Variants in PRKN observed in about 807,000 individuals in gnomAD.
PRKN encodes the protein parkin RBR E3 ubiquitin protein ligase.
In PRKN, 56 loss-of-function variants were observed where a neutral mutation model predicts 59.5. The observed-to-expected ratio is 0.94, with a 90% CI of 0.76 to 1.18. The LOEUF is 1.18. PRKN is among the 50% of genes most tolerant of loss of function. The probability of loss-of-function intolerance (pLI) is 0.00; values close to 1 mark genes in which losing one functional copy is unlikely to be tolerated. For synonymous variants in PRKN, 250 were observed against 222.1 expected (o/e 1.13, Z -1.12); for missense variants, 657 against 596.4 (o/e 1.10, Z -1.06).
intron 9 of PRKN, among the ~76,000 whole-genome samples, chr6:161,494,388 A>G (rs1433395079): frequency 6.6e-6 from 1 of 152,212 alleles, no homozygotes; most frequent in South Asian, 2.1e-4. Flanking sequence ...ACGTCAGCTG[A>G]GAAGCCTGAC....
intron 5 of PRKN, among the ~76,000 whole-genome samples, chr6:162,047,231 T>A (rs1784287669): frequency 6.6e-6 from 1 of 152,202 alleles, no homozygotes; most frequent in Admixed American, 6.5e-5. Context: ...GGGGAGTGAA[T>A]GAGTCCATTT....
chr6:162,592,015 T>G (rs1781330128), intron 1 of PRKN, among the ~76,000 whole-genome samples: 1 of 152,186 alleles, frequency 6.6e-6, no homozygotes, highest in South Asian at 2.1e-4. Context: ...GTTTGTTTGT[T>G]TTGAGATGTT....
chr6:162,314,467 G>C (rs570161901), intron 2 of PRKN, among the ~76,000 whole-genome samples: 1 of 152,116 alleles, frequency 6.6e-6, no homozygotes, highest in Non-Finnish European at 1.5e-5. Flanking sequence ...TTGCCCTTTA[G>C]AGTAATTTAA....
In PRKN at chr6:161,372,973, T is replaced by G. The variant is rs1582986675; in HGVS notation, c.1168-12768A>C. On this transcript the variant is annotated intron_variant, in intron 10 of 11. Transcript: ENST00000366898. The surrounding 1 kb of genome is among the most constrained non-coding windows in gnomAD (Gnocchi z 4.2). The stretch of plus-strand genomic sequence containing the variant: ...GGCACATGCTTCTGTCCTCTGCTGA[T>G]CTTTAAAAAATATTTTTTGTAGAGA... Among the ~76,000 whole-genome samples, 1 of 152,066 alleles carries G rather than the reference T, an allele frequency of 6.6e-6. No individual in the cohort carries two copies. The highest frequency in any genetic ancestry group is 2.4e-5 in the African/African-American group (1 of 41,460).
At chr6:162,445,083 C>A (rs1449369286) in intron 1 of PRKN, among the ~76,000 whole-genome samples, 1 of 152,060 alleles carries the variant, frequency 6.6e-6, no homozygotes, top group Non-Finnish European at 1.5e-5. Flanking sequence ...CTAATTATTT[C>A]TCAATACCAA....
At chr6:162,611,370 A>G (rs533196641) in intron 1 of PRKN, among the ~76,000 whole-genome samples, 1 of 152,360 alleles carries the variant, frequency 6.6e-6, no homozygotes, top group South Asian at 2.1e-4. Flanking sequence ...AGTTTAATAG[A>G]AGTAACTGTG....
intron 2 of PRKN, among the ~76,000 whole-genome samples, chr6:162,430,158 T>TGACGAC (rs35797400): frequency 4.2e-5 from 6 of 144,068 alleles, no homozygotes; most frequent in South Asian, 4.4e-4. Context: ...ATGATGACGA[T>TGACGAC]GACGACGACG....
chr6:162,420,604 C>G (rs182959425), intron 2 of PRKN, among the ~76,000 whole-genome samples: 14 of 152,280 alleles, frequency 9.2e-5, no homozygotes, highest in African/African-American at 3.4e-4. Context: ...CGGATACAGA[C>G]AGCCCATGGC....
At chr6:161,640,265 C>G (rs1004492124) in intron 7 of PRKN, among the ~76,000 whole-genome samples, 2 of 152,202 alleles carry the variant, frequency 1.3e-5, no homozygotes, top group Non-Finnish European at 2.9e-5. Context: ...ACTTGTTTCA[C>G]ATAATGAAAG....
rs6923334 is a variant in PRKN at position 161,829,388 on chromosome 6, C to T, written c.735-43480G>A. Among the ~76,000 whole-genome samples, 1,008 of 152,274 alleles carry T rather than the reference C, an allele frequency of 6.6e-3. 10 individuals are homozygous for T. Among genetic ancestry groups the T allele is most frequent in the African/African-American group, 0.023 (959 of 41,548 alleles). On this transcript the variant is annotated intron_variant, in intron 6 of 11. Coordinates refer to ENST00000366898, the MANE Select transcript of PRKN (RefSeq NM_004562.3). ...AGACTGCACTGGTGGCATTGTGTTT[C>T]GTGACAGTTTTGTTTTGTTTTTTCC...
chr6:162,084,845 T>C (rs1779190943), intron 4 of PRKN, among the ~76,000 whole-genome samples: 2 of 151,772 alleles, frequency 1.3e-5, no homozygotes, highest in Non-Finnish European at 2.9e-5. Flanking sequence ...AAATAGGTAA[T>C]GATAATATAG....
chr6:162,452,920 A>G (rs1248373904), intron 1 of PRKN, among the ~76,000 whole-genome samples: 1 of 152,214 alleles, frequency 6.6e-6, no homozygotes, highest in Non-Finnish European at 1.5e-5. Context: ...ATGTAATCAT[A>G]AGAAGGCAGG....
intron 5 of PRKN, among the ~76,000 whole-genome samples, chr6:162,034,186 TAGAG>T (rs71643580): frequency 0.03 from 3,961 of 133,160 alleles, 150 homozygotes; most frequent in African/African-American, 0.09. Context: ...TATATATATA[TAGAG>T]AGAGAGAGAG....
chr6:162,521,351 T>C (rs1356366953), intron 1 of PRKN, among the ~76,000 whole-genome samples: 1 of 152,216 alleles, frequency 6.6e-6, no homozygotes, highest in Non-Finnish European at 1.5e-5. Context: ...GGTTCAAATT[T>C]ATCCTTGTAA....
chr6:162,711,005 C>T (rs1014386167), intron 1 of PRKN, among the ~76,000 whole-genome samples: 1 of 152,192 alleles, frequency 6.6e-6, no homozygotes, highest in Non-Finnish European at 1.5e-5. Context: ...CACTCCACTA[C>T]TGGAAACAGA....
intron 10 of PRKN, among the ~76,000 whole-genome samples, chr6:161,380,731 T>C (rs1415406857): frequency 5.3e-5 from 8 of 152,146 alleles, no homozygotes; most frequent in Non-Finnish European, 1.2e-4. Context: ...AAAATTCCAC[T>C]TATAGATGTG....
intron 9 of PRKN, among the ~76,000 whole-genome samples, chr6:161,501,384 T>C (rs13208945): frequency 0.33 from 50,426 of 152,048 alleles, 8,628 homozygotes; most frequent in Middle Eastern, 0.4. Context: ...ATGTTGAACA[T>C]CTTTTCATAT....
chr6:161,639,074 C>G (rs1199019993), intron 7 of PRKN, among the ~76,000 whole-genome samples: 1 of 152,158 alleles, frequency 6.6e-6, no homozygotes, highest in East Asian at 1.9e-4. Flanking sequence ...TTGCTCGGCA[C>G]TTCTCCTTGC....
intron 4 of PRKN, among the ~76,000 whole-genome samples, chr6:162,097,912 T>C (rs1779809472): frequency 6.6e-6 from 1 of 152,172 alleles, no homozygotes; most frequent in South Asian, 2.1e-4. Flanking sequence ...TACCGATGAC[T>C]TCACCAAAGT....
Sources: allele counts gnomAD v4.1 joint callset (sites outside exome capture counted in the v4.1 genomes callset), GRCh38; gene constraint gnomAD v4.1.1; non-coding constraint Gnocchi (gnomAD v3.1); transcripts MANE v1.5; gene names NCBI Gene and HGNC (gene_info 2026-07-23, HGNC 2026-07-21).